SLC4A10: variants seen among roughly 807,000 people sequenced by gnomAD.
SLC4A10 encodes the protein sodium-driven chloride bicarbonate exchanger.
Under a neutral mutation model 137.7 loss-of-function variants are expected in SLC4A10, and 42 were observed. The ratio of observed to expected loss-of-function variants is 0.30; its 90% CI spans 0.24 to 0.39. SLC4A10 has a LOEUF of 0.39. Ranked by LOEUF, SLC4A10 falls within the 10% of genes least tolerant of loss-of-function variation. SLC4A10 has a pLI of 1.00. For missense variants in SLC4A10, 925 were observed against 1,355.0 expected (o/e 0.68, Z 4.98); for synonymous variants, 474 against 464.1 (o/e 1.02, Z -0.27).
At chr2:161,777,450 T>C (rs2052485560) in intron 2 of SLC4A10, among the ~76,000 whole-genome samples, 1 of 151,962 alleles carries the variant, frequency 6.6e-6, no homozygotes, top group African/African-American at 2.4e-5. Context: ...TGATGAAATG[T>C]TTTCCTATGT....
At chr2:161,859,296 C>CTTT (rs1553597581) in intron 5 of SLC4A10, among the ~76,000 whole-genome samples, 2 of 142,638 alleles carry the variant, frequency 1.4e-5, no homozygotes, top group African/African-American at 2.6e-5. Flanking sequence ...CTTTTCTTTT[C>CTTT]TTTTTTTTTT....
chr2:161,878,717 A>C (rs2061578700), intron 8 of SLC4A10, among the ~76,000 whole-genome samples: 1 of 152,144 alleles, frequency 6.6e-6, no homozygotes, highest in East Asian at 1.9e-4. Flanking sequence ...TTTTGACATA[A>C]GCATATTTGA....
At chr2:161,771,093 T>A (rs776283658) in intron 2 of SLC4A10, 39 bp downstream of exon 2, 7 of 1,375,976 alleles carry the variant, frequency 5.1e-6, no homozygotes, top group Middle Eastern at 1.8e-4. Flanking sequence ...TGGTGTGCTT[T>A]CCAAAAGTAT....
At chr2:161,708,581 G>T (rs1347642647) in intron 1 of SLC4A10, 1 of 1,089,356 alleles carries the variant, frequency 9.2e-7, no homozygotes, top group African/African-American at 1.6e-5. Flanking sequence ...TTAGTATGGG[G>T]TGTTTGTAAC....
chr2:161,771,175 T>G (rs1474494800), intron 2 of SLC4A10, 121 bp downstream of exon 2: 1 of 683,824 alleles, frequency 1.5e-6, no homozygotes, highest in Non-Finnish European at 2.6e-6. Context: ...GGTAGCTTAC[T>G]GGGGAGGGGT....
intron 2 of SLC4A10, among the ~76,000 whole-genome samples, chr2:161,775,802 C>T (rs77521637): frequency 0.027 from 4,099 of 151,562 alleles, 75 homozygotes; most frequent in Non-Finnish European, 0.031. Flanking sequence ...TTTTTTTTCA[C>T]GTATGAACAT....
chr2:161,942,658 T>C lies in SLC4A10; in HGVS notation c.1998-134T>C, dbSNP rs998914960. 9 of 664,052 alleles carry C rather than the reference T, an allele frequency of 1.4e-5. No individual in the cohort carries two copies. In the Admixed American group the frequency reaches 2.1e-4, roughly 16 times the overall value. 41.1% of individuals were successfully genotyped at this position (664,052 alleles called of 1,614,324 possible). A position where few individuals can be genotyped will look rare whatever the true frequency, so the allele number is the denominator to read the frequency against. ...GAAAATAGTCTGTTGTGGAGTAGTT[T>C]AGGATAACCTAACTACTTGTCTGTC... On this transcript the variant is annotated intron_variant, in intron 15 of 26. Coordinates refer to ENST00000446997, the MANE Select transcript of SLC4A10 (RefSeq NM_001178015.2).
intron 15 of SLC4A10, among the ~76,000 whole-genome samples, chr2:161,933,722 G>A (rs770018590): frequency 3.3e-5 from 5 of 152,170 alleles, no homozygotes; most frequent in Non-Finnish European, 5.9e-5. Flanking sequence ...TTATCCTTTC[G>A]TCCATTGATG....
intron 15 of SLC4A10, among the ~76,000 whole-genome samples, chr2:161,909,787 T>G (rs998135372): frequency 6.6e-6 from 1 of 152,342 alleles, no homozygotes; most frequent in African/African-American, 2.4e-5. Flanking sequence ...TGCTAATTAC[T>G]GCTATTTTAA....
chr2:161,829,699 T>C (rs1403232990), intron 3 of SLC4A10, among the ~76,000 whole-genome samples: 1 of 152,218 alleles, frequency 6.6e-6, no homozygotes, highest in Non-Finnish European at 1.5e-5. Flanking sequence ...TCTATATTTA[T>C]GTATTGGTCT....
intron 15 of SLC4A10, among the ~76,000 whole-genome samples, chr2:161,912,169 A>G (rs760309046): frequency 6.6e-6 from 1 of 152,102 alleles, no homozygotes; most frequent in Non-Finnish European, 1.5e-5. Flanking sequence ...AGCTTTATTA[A>G]GTGTCTTTCA....
chr2:161,768,935 A>G (rs1409872722), intron 1 of SLC4A10, among the ~76,000 whole-genome samples: 1 of 151,934 alleles, frequency 6.6e-6, no homozygotes, highest in African/African-American at 2.4e-5. Context: ...TAGGGTTCCT[A>G]TCACAAATTC....
At chr2:161,954,496 T>A (rs1177789900) in intron 19 of SLC4A10, among the ~76,000 whole-genome samples, 2 of 152,202 alleles carry the variant, frequency 1.3e-5, no homozygotes, top group East Asian at 3.9e-4. Context: ...CAGAAATATG[T>A]TAGAAGGTGT....
chr2:161,849,871 ATC>A (rs2059726435), intron 4 of SLC4A10, among the ~76,000 whole-genome samples: 1 of 151,832 alleles, frequency 6.6e-6, no homozygotes, highest in African/African-American at 2.4e-5. Flanking sequence ...TTTGTTGTGA[ATC>A]TGCCTGGTTT....
chr2:161,790,109 T>G (rs1346858143), intron 2 of SLC4A10, among the ~76,000 whole-genome samples: 1 of 152,222 alleles, frequency 6.6e-6, no homozygotes, highest in Non-Finnish European at 1.5e-5. Context: ...TATTGACTTT[T>G]TCATGATGAT....
chr2:161,723,646 TA>T (rs909085586), intron 1 of SLC4A10, among the ~76,000 whole-genome samples: 14 of 152,236 alleles, frequency 9.2e-5, no homozygotes, highest in African/African-American at 3.4e-4. Context: ...ATCCATGATT[TA>T]AATCGACTGT....
chr2:161,957,288 A>G (rs1391452450), intron 20 of SLC4A10, 48 bp downstream of exon 20: 3 of 1,556,250 alleles, frequency 1.9e-6, no homozygotes, highest in African/African-American at 2.8e-5. Flanking sequence ...TACATTTATC[A>G]TCATTTAAAA....
At chr2:161,950,622 G>A (rs1694632596) in intron 18 of SLC4A10, 65 bp from the exon 19 acceptor site, 4 of 1,489,360 alleles carry the variant, frequency 2.7e-6, no homozygotes, top group Non-Finnish European at 3.6e-6. Flanking sequence ...GCATCTGTAA[G>A]ACCTAATTTG....
At chr2:161,889,931 A>G (rs753258818) in intron 10 of SLC4A10, among the ~76,000 whole-genome samples, 40 of 152,314 alleles carry the variant, frequency 2.6e-4, no homozygotes, top group Non-Finnish European at 5.0e-4. Flanking sequence ...ATTTAGTGCT[A>G]TAAATTTCCC....
Sources: gnomAD v4.1 joint callset for allele counts (sites outside exome capture counted in the v4.1 genomes callset) on GRCh38, gnomAD v4.1.1 for gene constraint, MANE v1.5 for transcripts, NCBI Gene and HGNC (gene_info 2026-07-23, HGNC 2026-07-21) for gene names.